MGAM2: variants seen among roughly 807,000 people sequenced by gnomAD.
MGAM2 encodes the protein maltase-glucoamylase 2 (putative), also known as probable maltase-glucoamylase 2.
A neutral mutation model predicts 96.1 loss-of-function variants in MGAM2; 98 were observed. That is an observed-to-expected ratio of 1.02 (90% CI 0.87 to 1.21). The LOEUF is 1.21. Ranked by LOEUF, MGAM2 falls within the 50% of genes most tolerant of loss-of-function variation. The pLI is 0.00. For missense variants in MGAM2, 2,055 were observed against 1,182.4 expected, an observed-to-expected ratio of 1.74 and a Z score of -10.82; for synonymous variants, 749 against 414.8, an observed-to-expected ratio of 1.81 and a Z score of -9.79.
chr7:142,123,260 A>C (rs1161226795), intron 3 of MGAM2, among the ~76,000 whole-genome samples: 1 of 152,048 alleles, frequency 6.6e-6, no homozygotes, highest in Non-Finnish European at 1.5e-5. Context: ...GATTCAAAAA[A>C]ATTTGCATCA....
At chr7:142,182,950 G>T (rs909558723) in intron 32 of MGAM2, among the ~76,000 whole-genome samples, 4 of 152,118 alleles carry the variant, frequency 2.6e-5, no homozygotes, top group African/African-American at 7.2e-5. Flanking sequence ...ACAGGTTGGG[G>T]TGGTAACTTT....
chr7:142,196,075 C>T, intron 37 of MGAM2, 79 bp from the exon 38 acceptor site: 1 of 720,996 alleles, frequency 1.4e-6, no homozygotes, highest in Non-Finnish European at 2.5e-6. Context: ...TACCCTCACC[C>T]TCTCATGCTC....
rs572724675 is a variant in MGAM2, at chr7:142,186,516, G to A, written c.4122+393G>A. ...GGCATGGAGTTGAGAGCAAGTAGACGTTTGCCATAGTACTGGGGCAGACAA... is the reference window on the plus strand; with the variant it reads ...GGCATGGAGTTGAGAGCAAGTAGACATTTGCCATAGTACTGGGGCAGACAA... On this transcript the variant is annotated intron_variant, in intron 35 of 47. Coordinates refer to ENST00000477922, the MANE Select transcript of MGAM2 (RefSeq NM_001293626.2). Among the ~76,000 whole-genome samples, 31 of 152,320 alleles carry A rather than the reference G, an allele frequency of 2.0e-4. No individual in the cohort carries two copies. In the Middle Eastern group the frequency reaches 0.01, roughly 50 times the overall value.
chr7:142,166,467 A>C (rs1369636552), intron 25 of MGAM2, among the ~76,000 whole-genome samples: 1 of 152,222 alleles, frequency 6.6e-6, no homozygotes, highest in Non-Finnish European at 1.5e-5. Flanking sequence ...ATATCATTAA[A>C]AACCCAATTT....
intron 23 of MGAM2, among the ~76,000 whole-genome samples, chr7:142,162,304 G>T (rs553775791): frequency 6.6e-6 from 1 of 152,132 alleles, no homozygotes; most frequent in African/African-American, 2.4e-5. Flanking sequence ...GTTTGCAAGT[G>T]TATATGAGGT....
intron 15 of MGAM2, among the ~76,000 whole-genome samples, chr7:142,150,098 C>A (rs558607571): frequency 1.3e-5 from 2 of 152,084 alleles, no homozygotes; most frequent in African/African-American, 4.8e-5. Flanking sequence ...TGCGCCACCA[C>A]GCCCAGCTAA....
chr7:142,201,227 C>T (rs1797220426), intron 45 of MGAM2, among the ~76,000 whole-genome samples: 1 of 151,632 alleles, frequency 6.6e-6, no homozygotes, highest in Admixed American at 6.6e-5. Context: ...TGTGGCACAA[C>T]ACCCACTAAT....
At chr7:142,133,805 C>G (rs578122013) in intron 6 of MGAM2, among the ~76,000 whole-genome samples, 176 bp from the exon 7 acceptor site, 1 of 152,142 alleles carries the variant, frequency 6.6e-6, no homozygotes, top group Non-Finnish European at 1.5e-5. Context: ...CTAATGCTGT[C>G]TTCCTCTAGA....
At chr7:142,191,816 G>T (rs4236466) in intron 37 of MGAM2, among the ~76,000 whole-genome samples, 1 of 151,858 alleles carries the variant, frequency 6.6e-6, no homozygotes, top group Non-Finnish European at 1.5e-5. Flanking sequence ...GTATTACCAT[G>T]TTAACAATAT....
rs767625079 is a variant in MGAM2, at chr7:142,187,778, A to T, written c.4151A>T (p.Asp1384Val). ...ATGAATGAGCCATCAAATTTTGTGG[A>T]TGGATCTGTCAGGGGCTGCAGCAAT... ...IDMNEPSNFVDGSVRGCSNEM... is the reference protein window; with the variant it reads ...IDMNEPSNFVVGSVRGCSNEM... Residue 1384 changes from aspartate to valine, a missense_variant, in exon 36 of 48, where the codon GAT becomes GTT. Coordinates refer to ENST00000477922, the MANE Select transcript of MGAM2 (RefSeq NM_001293626.2). 1.4e-6 allele frequency: 1 copy of T among 702,800 alleles called. No individual in the cohort carries two copies. The highest frequency in any genetic ancestry group is 2.0e-5 in the Admixed American group (1 of 50,004). The allele number at this position is 702,800 out of a possible 1,614,324, so 43.5% of individuals were successfully genotyped here. A position where few individuals can be genotyped will look rare whatever the true frequency, so the allele number is the denominator to read the frequency against.
intron 27 of MGAM2, among the ~76,000 whole-genome samples, chr7:142,170,528 C>T (rs911515538): frequency 1.3e-5 from 2 of 152,010 alleles, no homozygotes; most frequent in Non-Finnish European, 2.9e-5. Context: ...AGCAGATAAC[C>T]TAAGATACAA....
In MGAM2 at chr7:142,170,098, G is replaced by C; in HGVS notation, c.3051G>C (p.Arg1017Ser). 1 of 702,460 alleles carries C rather than the reference G, an allele frequency of 1.4e-6. No homozygotes were observed. Among genetic ancestry groups the C allele is most frequent in the South Asian group, 1.5e-5 (1 of 67,508 alleles). The allele number at this position is 702,460 out of a possible 1,614,324, so 43.5% of individuals were successfully genotyped here. The change falls in exon 27 of 48, where the codon AGG (arginine) becomes AGC (serine). Residue 1017 changes from arginine (R) to serine (S), a missense_variant. Coordinates refer to ENST00000477922, the MANE Select transcript of MGAM2 (RefSeq NM_001293626.2). ...AGATCTATGACCCCACTAATAAAAG[G>C]TATGAGGTTCCAGTACCACTGAACA... ...QVKIYDPTNK[R>S]YEVPVPLNTP...
At chr7:142,160,017 G>A (rs1438471532) in intron 20 of MGAM2, 117 bp from the exon 21 acceptor site, 3 of 584,750 alleles carry the variant, frequency 5.1e-6, no homozygotes, top group African/African-American at 1.9e-5. Flanking sequence ...CTTCACTTTG[G>A]GGTTCTCTGT....
chr7:142,209,967 A>G (rs1207893512), intron 46 of MGAM2, among the ~76,000 whole-genome samples: 5 of 152,230 alleles, frequency 3.3e-5, no homozygotes, highest in African/African-American at 4.8e-5. Context: ...CAGTGAGATC[A>G]ATGCAGAAGG....
In MGAM2 at chr7:142,221,714, C is replaced by T. The variant is rs536565485; in HGVS notation, c.7203C>T (p.Ser2401=). The T allele has an allele frequency of 3.1e-5, 13 of 415,112 alleles. No homozygotes were observed. In the East Asian group the frequency reaches 3.8e-4, roughly 12 times the overall value. The allele number at this position is 415,112 out of a possible 1,614,324, so 25.7% of individuals were successfully genotyped here. Reference sequence around the variant, plus strand: ...CTACTACTACAACACTGGCCTTAAGCCACACCTCATTAGCTCCTACAAATC... The same window carrying T: ...CTACTACTACAACACTGGCCTTAAGTCACACCTCATTAGCTCCTACAAATC... ...HSATTTTLAL[S]HTSLAPTNLS... Residue 2401 remains serine, a synonymous_variant, in exon 48 of 48, where the codon AGC becomes AGT. Coordinates refer to ENST00000477922, the MANE Select transcript of MGAM2 (RefSeq NM_001293626.2).
intron 29 of MGAM2, 142 bp from the exon 30 acceptor site, chr7:142,172,510 A>T (rs1585185849): frequency 1.2e-5 from 7 of 576,782 alleles, no homozygotes; most frequent in Middle Eastern, 3.2e-4. Context: ...TACACCTCTG[A>T]TTCTAATGGA....
intron 23 of MGAM2, among the ~76,000 whole-genome samples, chr7:142,162,975 A>G (rs558783977): frequency 1.3e-5 from 2 of 152,144 alleles, no homozygotes; most frequent in East Asian, 1.9e-4. Context: ...CTGGCAACCA[A>G]TCATCTGTTC....
rs1585152642 is a variant in MGAM2, at chr7:142,136,448, T to C, written c.748-93T>C. 8.2e-6 allele frequency: 4 copies of C among 486,404 alleles called. No individual in the cohort carries two copies. The South Asian group carries it at 1.2e-4, about 14-fold the overall frequency. The allele number at this position is 486,404 out of a possible 1,614,324, so 30.1% of individuals were successfully genotyped here. A position where few individuals can be genotyped will look rare whatever the true frequency, so the allele number is the denominator to read the frequency against. On this transcript the variant is annotated intron_variant, in intron 7 of 47. Transcript: ENST00000477922. ...TAAACTACATGAAGTGTTGACCAAG[T>C]ATATGTTATAGATGGCTTTTGAATT...
At chr7:142,193,773 A>G (rs1585204650) in intron 37 of MGAM2, among the ~76,000 whole-genome samples, 1 of 152,026 alleles carries the variant, frequency 6.6e-6, no homozygotes, top group Admixed American at 6.6e-5. Flanking sequence ...ACCTGGGTTC[A>G]GTCATCTTTT....
Sources: allele counts gnomAD v4.1 joint callset (sites outside exome capture counted in the v4.1 genomes callset), GRCh38; gene constraint gnomAD v4.1.1; transcripts MANE v1.5; gene names NCBI Gene and HGNC (gene_info 2026-07-23, HGNC 2026-07-21).